Variants in KLF17 observed in about 807,000 individuals in gnomAD.
The protein encoded by KLF17 is Krueppel-like factor 17.
KLF17 carries 31 observed loss-of-function variants against 34.2 expected under a neutral mutation model. That is an observed-to-expected ratio of 0.91 (90% CI 0.68 to 1.22). The LOEUF (loss-of-function observed/expected upper bound fraction) is 1.22, where lower values mean the gene tolerates loss of function less well. Among genes scored for constraint, KLF17 ranks in the 50% most tolerant of loss-of-function variants. KLF17 has a pLI of 0.00. For missense variants in KLF17, 478 were observed against 505.2 expected (o/e 0.95, Z 0.52); for synonymous variants, 179 against 186.7 (o/e 0.96, Z 0.34).
intron 1 of KLF17, among the ~76,000 whole-genome samples, chr1:44,128,243 A>G (rs2088052042): frequency 6.6e-6 from 1 of 151,852 alleles, no homozygotes; most frequent in African/African-American, 2.4e-5. Context: ...CACCACACCT[A>G]GCTGATTTTG....
chr1:44,127,686 C>CTT (rs1230038812), intron 1 of KLF17, among the ~76,000 whole-genome samples: 1,543 of 40,330 alleles, frequency 0.038, 10 homozygotes, highest in Admixed American at 0.06. Context: ...TTCTTTCTTT[C>CTT]TTTCTTTTTC....
At chr1:44,100,597 G>GT in the KLF17 span, among the ~76,000 whole-genome samples, 2 of 152,086 alleles carry the variant, frequency 1.3e-5, no homozygotes, top group Admixed American at 6.6e-5. Flanking sequence ...TTTTATAGGT[G>GT]TGAGCCACCG....
At chr1:44,063,974 G>A in the KLF17 span, among the ~76,000 whole-genome samples, 39 of 152,278 alleles carry the variant, frequency 2.6e-4, 1 homozygote, top group East Asian at 7.5e-3. Context: ...CAATTCACAA[G>A]GTTAGCAGGA....
the KLF17 span, among the ~76,000 whole-genome samples, chr1:44,065,286 TAA>T: frequency 1.5e-5 from 2 of 133,440 alleles, no homozygotes; most frequent in Admixed American, 7.6e-5. Flanking sequence ...AGACTCCATC[TAA>T]AAAAAAAAAA....
At chr1:44,053,362 C>T in the KLF17 span, among the ~76,000 whole-genome samples, 1 of 152,154 alleles carries the variant, frequency 6.6e-6, no homozygotes, top group Non-Finnish European at 1.5e-5. Context: ...CTCCCAGCCA[C>T]CCAGAAGCAC....
At chr1:44,103,980 G>T in the KLF17 span, 1 of 855,316 alleles carries the variant, frequency 1.2e-6, no homozygotes, top group Non-Finnish European at 2.0e-6. Flanking sequence ...CTCGTACTGC[G>T]CCTTGACCTC....
chr1:44,096,416 T>TG, the KLF17 span, among the ~76,000 whole-genome samples: 1 of 150,702 alleles, frequency 6.6e-6, no homozygotes, highest in Non-Finnish European at 1.5e-5. Context: ...TTTTTTTTTT[T>TG]GAGAGGGAGT....
the KLF17 span, among the ~76,000 whole-genome samples, chr1:44,075,259 A>G: frequency 6.6e-6 from 1 of 152,248 alleles, no homozygotes; most frequent in South Asian, 2.1e-4. Flanking sequence ...ACACAACAGC[A>G]TAACAGCATA....
the KLF17 span, among the ~76,000 whole-genome samples, chr1:44,087,724 TTATATATATATA>T: frequency 0.018 from 1,359 of 75,498 alleles, 23 homozygotes; most frequent in East Asian, 0.036. Context: ...CCTATATATT[TTATATATATATA>T]TATATATATA....
the KLF17 span, among the ~76,000 whole-genome samples, chr1:44,048,926 A>C: frequency 6.6e-6 from 1 of 152,242 alleles, no homozygotes; most frequent in Non-Finnish European, 1.5e-5. Flanking sequence ...CATATAGCTT[A>C]ATGCGTCACC....
At chr1:44,125,963 A>G (rs922196226) in intron 1 of KLF17, among the ~76,000 whole-genome samples, 1 of 152,196 alleles carries the variant, frequency 6.6e-6, no homozygotes, top group Non-Finnish European at 1.5e-5. Flanking sequence ...GAAACAGCAA[A>G]TAACAATCAG....
At chr1:44,074,404 T>C in the KLF17 span, among the ~76,000 whole-genome samples, 1 of 152,146 alleles carries the variant, frequency 6.6e-6, no homozygotes, top group East Asian at 1.9e-4. Flanking sequence ...CCATTACCAA[T>C]GCCGTGTCTG....
chr1:44,090,792 A>G, the KLF17 span, among the ~76,000 whole-genome samples: 1 of 152,160 alleles, frequency 6.6e-6, no homozygotes, highest in African/African-American at 2.4e-5. Flanking sequence ...GAAGGGGAAA[A>G]GAATCAAAAG....
intron 1 of KLF17, among the ~76,000 whole-genome samples, chr1:44,119,770 G>A (rs2087926024): frequency 6.6e-6 from 1 of 152,188 alleles, no homozygotes; most frequent in Non-Finnish European, 1.5e-5. Context: ...GGTGGCCCCA[G>A]GGACACCATT....
At chr1:44,107,661 C>T in the KLF17 span, among the ~76,000 whole-genome samples, 452 of 152,168 alleles carry the variant, frequency 3.0e-3, 5 homozygotes, top group African/African-American at 0.01. Flanking sequence ...CTTCATTGGT[C>T]GCTTGGTAAA....
chr1:44,105,495 A>G, the KLF17 span: 6 of 152,206 alleles, frequency 3.9e-5, no homozygotes, highest in African/African-American at 1.2e-4. Context: ...GGACAGAAAC[A>G]GCAGTGTGGC....
chr1:44,090,306 CAAAAAAAAAAAAAAAAAAA>C, the KLF17 span, among the ~76,000 whole-genome samples: 1 of 23,410 alleles, frequency 4.3e-5, no homozygotes, highest in East Asian at 1.9e-3. Context: ...CTTGTCTCTA[CAAAAAAAAAAAAAAAAAAA>C]AAAAAAAAAA....
chr1:44,116,721 G>C (rs1322600266), upstream of KLF17, among the ~76,000 whole-genome samples: 3 of 152,152 alleles, frequency 2.0e-5, no homozygotes, highest in African/African-American at 4.8e-5. Flanking sequence ...TGACTTTGCT[G>C]TTCTGCTGGG....
Position 44,130,164 on chromosome 1 carries a change from C to T in KLF17, c.893C>T (p.Ser298Phe). The change falls in exon 2 of 4, where the codon TCC becomes TTC. Residue 298 changes from serine to phenylalanine, a missense_variant. Transcript: ENST00000372299. The stretch of plus-strand genomic sequence containing the variant: ...TGCGGAAAAGCTTATACCAAACGCT[C>T]CCACCTCGTGAGCCACCAGCGCAAG... The part of the protein sequence containing the change: ...ENCGKAYTKR[S>F]HLVSHQRKHT... The T allele has an allele frequency of 1.2e-6, 2 of 1,613,450 alleles. No homozygotes were observed. The highest frequency in any genetic ancestry group is 1.7e-6 in the Non-Finnish European group (2 of 1,179,620).
Sources: allele counts gnomAD v4.1 joint callset (sites outside exome capture counted in the v4.1 genomes callset), GRCh38; gene constraint gnomAD v4.1.1; transcripts MANE v1.5; gene names NCBI Gene and HGNC (gene_info 2026-07-23, HGNC 2026-07-21).